Variants in PEX5 observed in about 807,000 individuals in gnomAD.
PEX5 encodes the protein peroxisomal biogenesis factor 5.
A neutral mutation model predicts 82.9 loss-of-function variants in PEX5; 52 were observed. The ratio of observed to expected loss-of-function variants is 0.63; its 90% CI spans 0.50 to 0.79. The LOEUF is 0.79. Ranked by LOEUF, PEX5 falls within the 30% of genes least tolerant of loss-of-function variation. PEX5 has a pLI of 0.00. For missense variants in PEX5, 719 were observed against 815.2 expected (o/e 0.88, Z 1.44); for synonymous variants, 300 against 318.8 (o/e 0.94, Z 0.63).
At chr12:7,202,762 T>A in intron 9 of PEX5, 58 bp downstream of exon 9, 1 of 1,139,820 alleles carries the variant, frequency 8.8e-7, no homozygotes, top group Non-Finnish European at 1.3e-6. Flanking sequence ...TTGGAGTGAG[T>A]GGGTGTATGA....
chr12:7,191,726 T>G, intron 5 of PEX5, 26 bp downstream of exon 5: 1 of 1,604,750 alleles, frequency 6.2e-7, no homozygotes, highest in South Asian at 1.1e-5. Flanking sequence ...GGAAAATCTA[T>G]ATTGGCTTCT....
chr12:7,190,036 C>T (rs1236876512), intron 1 of PEX5: 1 of 1,503,666 alleles, frequency 6.7e-7, no homozygotes, highest in Non-Finnish European at 8.8e-7. Context: ...GCCGTCCAGC[C>T]TGGTTGTTGA....
intron 5 of PEX5, among the ~76,000 whole-genome samples, chr12:7,196,418 AATAATT>A (rs1394532570): frequency 1.5e-5 from 2 of 135,342 alleles, no homozygotes; most frequent in South Asian, 2.5e-4. Flanking sequence ...TATATAATGT[AATAATT>A]ATATGTGCCA....
chr12:7,199,673 A>G (rs1156764482), intron 6 of PEX5, among the ~76,000 whole-genome samples: 1 of 149,918 alleles, frequency 6.7e-6, no homozygotes, highest in Non-Finnish European at 1.5e-5. Context: ...TTTCTATTCC[A>G]CAAAACCGCC....
upstream of PEX5, chr12:7,189,607 A>G (rs1225032355): frequency 7.1e-6 from 2 of 282,434 alleles, no homozygotes; most frequent in Non-Finnish European, 1.3e-5. Flanking sequence ...CTTTTCAGAC[A>G]GCTTCCGCTG....
intron 5 of PEX5, among the ~76,000 whole-genome samples, chr12:7,196,311 T>C (rs1213670429): frequency 5.0e-5 from 4 of 80,614 alleles, no homozygotes; most frequent in Non-Finnish European, 7.3e-5. Flanking sequence ...TCATATATAA[T>C]TTAATTATAT....
At position 7,203,621 on chromosome 12, in the gene PEX5, G is replaced by A. The variant is rs927994462; in HGVS notation, c.966+70G>A. The A allele has an allele frequency of 4.2e-5, 61 of 1,443,004 alleles. No homozygotes were observed. The East Asian group carries it at 1.3e-3, about 31-fold the overall frequency. The allele number at this position is 1,443,004 out of a possible 1,614,324, so 89.4% of individuals were successfully genotyped here. On this transcript the variant is annotated intron_variant, in intron 10 of 15. Transcript: ENST00000675855. ...TTTTTAACGTCTTTCCTTTAATCCTGAATTTGAAGGGTGCTTTTAAGTATT... is the reference window on the plus strand; with the variant it reads ...TTTTTAACGTCTTTCCTTTAATCCTAAATTTGAAGGGTGCTTTTAAGTATT...
intron 5 of PEX5, among the ~76,000 whole-genome samples, chr12:7,196,095 TATAAC>T (rs1448659524): frequency 7.6e-6 from 1 of 131,496 alleles, no homozygotes; most frequent in African/African-American, 2.6e-5. Context: ...TTTCTTATGT[TATAAC>T]GTATTTCTTA....
intron 5 of PEX5, among the ~76,000 whole-genome samples, chr12:7,194,911 T>G (rs768322956): frequency 6.6e-6 from 1 of 152,330 alleles, no homozygotes; most frequent in African/African-American, 2.4e-5. Flanking sequence ...CTAATGATAA[T>G]AACTAACATT....
intron 14 of PEX5, 90 bp downstream of exon 14, chr12:7,209,260 C>A: frequency 7.6e-7 from 1 of 1,309,820 alleles, no homozygotes; most frequent in Middle Eastern, 2.5e-4. Flanking sequence ...TGGTGCATGC[C>A]TGTAGTCCCA....
rs117146083 is a variant in PEX5 at position 7,191,053 on chromosome 12, A to G, written c.183+130A>G. 2.7e-3 allele frequency: 3,238 copies of G among 1,179,748 alleles called. 5 individuals carry two copies. Among genetic ancestry groups the G allele is most frequent in the Non-Finnish European group, 2.8e-3 (2,186 of 787,488 alleles). The allele number at this position is 1,179,748 out of a possible 1,614,324, so 73.1% of individuals were successfully genotyped here. A position where few individuals can be genotyped will look rare whatever the true frequency, so the allele number is the denominator to read the frequency against. On this transcript the variant is annotated intron_variant, in intron 3 of 15. Transcript: ENST00000675855. ...AATGAGAATGCCTGCTTGTTTTTAA[A>G]TGTATTTTTTCGTCCTTCTAAATCT...
At chr12:7,202,782 A>C (rs1944269205) in intron 9 of PEX5, 78 bp downstream of exon 9, 1 of 988,106 alleles carries the variant, frequency 1.0e-6, no homozygotes, top group African/African-American at 1.6e-5. Context: ...AACATCAAAG[A>C]TGATGCAAAT....
intron 17 of PEX5, among the ~76,000 whole-genome samples, chr12:7,216,868 C>T (rs748467035): frequency 6.6e-6 from 1 of 152,280 alleles, no homozygotes; most frequent in East Asian, 1.9e-4. Flanking sequence ...TTATTTCCAT[C>T]CAACAACTTT....
chr12:7,214,395 AATG>A (rs1565732380), downstream of PEX5, among the ~76,000 whole-genome samples: 12 of 152,152 alleles, frequency 7.9e-5, no homozygotes, highest in South Asian at 2.5e-3. Flanking sequence ...AGCCGTAAAA[AATG>A]ATGAGTTCAT....
chr12:7,205,183 A>G (rs1944610212), intron 10 of PEX5, among the ~76,000 whole-genome samples: 1 of 147,658 alleles, frequency 6.8e-6, no homozygotes, highest in Non-Finnish European at 1.5e-5. Context: ...AAAAACTTTA[A>G]AAGTATGTTT....
chr12:7,201,467 TA>T (rs2136137752), intron 6 of PEX5, among the ~76,000 whole-genome samples: 1 of 152,326 alleles, frequency 6.6e-6, no homozygotes, highest in Admixed American at 6.5e-5. Context: ...AACTTCATCT[TA>T]AAGTTCATAA....
chr12:7,214,732 A>T (rs1047480461), downstream of PEX5, among the ~76,000 whole-genome samples: 2 of 103,444 alleles, frequency 1.9e-5, no homozygotes, highest in African/African-American at 3.2e-5. Flanking sequence ...TAAAATAAAA[A>T]AAGAATTATT....
chr12:7,189,632 C>CG, upstream of PEX5: 1 of 315,640 alleles, frequency 3.2e-6, no homozygotes. Context: ...TGGGCCGCTG[C>CG]GGGGCGGTCA....
rs1382787721 is a variant in PEX5 at position 7,211,321 on chromosome 12, G to GTCTT, written c.*1100_*1103dup. 1 of 151,752 alleles carries GTCTT rather than the reference G, an allele frequency of 6.6e-6. No individual in the cohort carries two copies. The highest frequency in any genetic ancestry group is 1.5e-5 in the Non-Finnish European group (1 of 67,974). The allele number at this position is 151,752 out of a possible 1,614,324, so 9.4% of individuals were successfully genotyped here. On this transcript the variant is annotated 3_prime_UTR_variant, in exon 16 of 16. Coordinates refer to ENST00000675855, the MANE Select transcript of PEX5 (RefSeq NM_001351132.2). ...AAATGACTGCTAAGCCTCTTGCCTT[G>GTCTT]TCTTTAGTAGCTAATGATCAGAGAG...
Sources: gnomAD v4.1 joint callset for allele counts (sites outside exome capture counted in the v4.1 genomes callset) on GRCh38, gnomAD v4.1.1 for gene constraint, MANE v1.5 for transcripts, NCBI Gene and HGNC (gene_info 2026-07-23, HGNC 2026-07-21) for gene names.